ANO7: variants seen among roughly 807,000 people sequenced by gnomAD.
The protein encoded by ANO7 is anoctamin-7.
Under a neutral mutation model 115.8 loss-of-function variants are expected in ANO7, and 114 were observed. The observed-to-expected ratio is 0.98, with a 90% CI of 0.85 to 1.15. The LOEUF is 1.15. Among genes scored for constraint, ANO7 ranks in the 50% most tolerant of loss-of-function variants. ANO7 has a pLI of 0.00. For synonymous variants in ANO7, 550 were observed against 498.2 expected (o/e 1.10, Z -1.38); for missense variants, 1,302 against 1,201.2 (o/e 1.08, Z -1.24).
the ANO7 span, chr2:241,238,781 G>A: frequency 6.7e-7 from 1 of 1,502,180 alleles, no homozygotes; most frequent in Non-Finnish European, 9.0e-7. This position sits in a 1 kb window ranked among gnomAD's most constrained non-coding sequence, Gnocchi z 4.9. Flanking sequence ...AATGTCACCT[G>A]AGCTTCCTGG....
the ANO7 span, among the ~76,000 whole-genome samples, chr2:241,238,136 G>A: frequency 5.9e-5 from 9 of 152,218 alleles, no homozygotes; most frequent in Non-Finnish European, 1.0e-4. The surrounding 1 kb of genome is among the most constrained non-coding windows in gnomAD (Gnocchi z 4.9). Flanking sequence ...CCCACAGGTC[G>A]CCTCCCCACC....
At position 241,210,548 on chromosome 2, in the gene ANO7, G is replaced by A; in HGVS notation, c.1539G>A (p.Leu513=). The A allele has an allele frequency of 6.2e-7, 1 of 1,613,836 alleles. No homozygotes were observed. The highest frequency in any genetic ancestry group is 1.1e-5 in the South Asian group (1 of 91,076). The part of the protein sequence containing the change: ...ILILSKIYVS[L]AHVLTRWEMH... ...TCCTCTCCAAGATCTATGTATCCCT[G>A]GCCCACGTCCTGACACGATGGGGTG... is the stretch of plus-strand genomic sequence containing the variant. Residue 513 remains leucine (L), a synonymous_variant, in exon 15 of 25, where the codon CTG becomes CTA. Coordinates refer to ENST00000674324, the MANE Select transcript of ANO7 (RefSeq NM_001370694.2).
rs765568873 is a variant in ANO7 at position 241,218,292 on chromosome 2, G to A, written c.2232G>A (p.Trp744Ter). The A allele has an allele frequency of 2.9e-5, 44 of 1,535,948 alleles. No homozygotes were observed. Among genetic ancestry groups the A allele is most frequent in the Non-Finnish European group, 3.5e-5 (40 of 1,149,082 alleles). ...TCCTGCCGCGCGCCTACTACCGGTG[G>A]ACCCGCGCCCACGACCTGCGCGGCT... ...SDFLPRAYYR[W>*]TRAHDLRGFL... is the part of the protein sequence containing the mutation. The change falls in exon 21 of 25, where the codon TGG (tryptophan) becomes TGA (stop). Residue 744 changes from tryptophan (W) to a stop codon, truncating the protein, a stop_gained. Transcript: ENST00000674324. LOFTEE classifies it high-confidence loss of function.
downstream of ANO7, chr2:241,229,783 T>TGGGC: frequency 2.6e-6 from 4 of 1,524,628 alleles, no homozygotes; most frequent in Non-Finnish European, 3.6e-6. Flanking sequence ...CAAGCCCGCC[T>TGGGC]GCCCGCCCAC....
At chr2:241,195,654 G>A in intron 3 of ANO7, 49 bp from the exon 4 acceptor site, 1 of 1,583,970 alleles carries the variant, frequency 6.3e-7, no homozygotes, top group Non-Finnish European at 8.6e-7. Context: ...CCCTGGGCCG[G>A]CCACTGCCAC....
downstream of ANO7, among the ~76,000 whole-genome samples, chr2:241,226,109 C>A (rs916942509): frequency 8.5e-5 from 13 of 152,058 alleles, no homozygotes; most frequent in African/African-American, 3.1e-4. Flanking sequence ...TCCCCGATGC[C>A]CACGTGCGCC....
At chr2:241,200,438 C>T (rs76538371) in intron 6 of ANO7, among the ~76,000 whole-genome samples, 2 of 152,048 alleles carry the variant, frequency 1.3e-5, no homozygotes, top group South Asian at 2.1e-4. Context: ...GGACAGATAA[C>T]CCCCCCAAGG....
Position 241,225,703 on chromosome 2 carries a change from C to T in ANO7, c.*1550C>T, listed in dbSNP as rs540153709. Among the ~76,000 whole-genome samples the T allele has an allele frequency of 6.6e-6, 1 of 152,176 alleles. No individual in the cohort carries two copies. The highest frequency in any genetic ancestry group is 1.5e-5 in the Non-Finnish European group (1 of 68,040). ...TGTAGCATTTCTTGAGGATTTGCTA[C>T]TTGTTCACCTGCCTCTTAGGAGCAC... On this transcript the variant is annotated 3_prime_UTR_variant, in exon 25 of 25. Transcript: ENST00000674324.
chr2:241,207,920 A>G (rs1230001270), intron 11 of ANO7, among the ~76,000 whole-genome samples: 5 of 152,136 alleles, frequency 3.3e-5, no homozygotes, highest in Non-Finnish European at 7.4e-5. Context: ...ACCCCACACC[A>G]GGACTCTAGC....
rs1025245863 is a variant in ANO7 at position 241,225,262 on chromosome 2, A to T, written c.*1109A>T. The T allele has an allele frequency of 6.6e-6, 1 of 152,224 alleles. No individual in the cohort carries two copies. The highest frequency in any genetic ancestry group is 2.4e-5 in the African/African-American group (1 of 41,430). 9.4% of individuals were successfully genotyped at this position (152,224 alleles called of 1,614,324 possible). A position where few individuals can be genotyped will look rare whatever the true frequency, so the allele number is the denominator to read the frequency against. On this transcript the variant is annotated 3_prime_UTR_variant, in exon 25 of 25. Coordinates refer to ENST00000674324, the MANE Select transcript of ANO7 (RefSeq NM_001370694.2). ...GGTTTTTAGCTGAGCGTGGTGGCTC[A>T]CACCTGTAATCCCAGGACTTTGGGA...
At position 241,202,245 on chromosome 2, in the gene ANO7, CT is replaced by C; in HGVS notation, c.666del (p.Ile224SerfsTer197). The C allele has an allele frequency of 6.2e-7, 1 of 1,613,774 alleles. No individual in the cohort carries two copies. The highest frequency in any genetic ancestry group is 8.5e-7 in the Non-Finnish European group (1 of 1,179,964). ...GTATGGCCACGAGAAGAAAAACCTG[CT>C]TGGGATCCACCAGCTGCTGGCAGAG... ...TPYGHEKKNL[L>X]GIHQLLAEGV... On this transcript the variant is annotated frameshift_variant, in exon 8 of 25. Transcript: ENST00000674324. LOFTEE classifies it high-confidence loss of function.
At position 241,214,762 on chromosome 2, in the gene ANO7, G is replaced by A. The variant is rs1361499966; in HGVS notation, c.1729-43G>A. 4 of 1,573,378 alleles carry A rather than the reference G, an allele frequency of 2.5e-6. No individual in the cohort carries two copies. The South Asian group carries it at 4.5e-5, about 18-fold the overall frequency. Reference sequence around the variant, plus strand: ...ACAAGAAGGGATGCGTGGGTGAGTGGCTGGTCCCCCTCTCCCAGCTAACCT... The same window carrying A: ...ACAAGAAGGGATGCGTGGGTGAGTGACTGGTCCCCCTCTCCCAGCTAACCT... On this transcript the variant is annotated intron_variant, in intron 17 of 24. Transcript: ENST00000674324.
chr2:241,194,338 G>A (rs1297602137), intron 3 of ANO7, among the ~76,000 whole-genome samples: 5 of 138,610 alleles, frequency 3.6e-5, no homozygotes, highest in Admixed American at 3.1e-4. Flanking sequence ...ATGGAGTCTC[G>A]CTCTGTTGCC....
In ANO7 at chr2:241,188,896, C is replaced by G; in HGVS notation, c.-8+130C>G. The G allele has an allele frequency of 8.1e-7, 1 of 1,235,954 alleles. No homozygotes were observed. The highest frequency in any genetic ancestry group is 1.1e-6 in the Non-Finnish European group (1 of 910,042). The allele number at this position is 1,235,954 out of a possible 1,614,324, so 76.6% of individuals were successfully genotyped here. On this transcript the variant is annotated intron_variant, in intron 1 of 24. Coordinates refer to ENST00000674324, the MANE Select transcript of ANO7 (RefSeq NM_001370694.2). The surrounding 1 kb of genome is among the most constrained non-coding windows in gnomAD (Gnocchi z 4.3). The stretch of plus-strand genomic sequence containing the variant: ...GCCTGTGGGGAGGCAGTGCCAGGGC[C>G]CGCCCTGGTCCCCAAAGCCCCTTGG...
intron 13 of ANO7, among the ~76,000 whole-genome samples, chr2:241,209,975 T>G (rs192463577): frequency 2.0e-5 from 3 of 152,136 alleles, no homozygotes; most frequent in Non-Finnish European, 2.9e-5. Flanking sequence ...GGCTTCCTAA[T>G]AGGACCTCTC....
intron 10 of ANO7, among the ~76,000 whole-genome samples, chr2:241,206,558 G>GCTGACAGGTGGACAGGAGTGCTCCCAGT (rs1235428549): frequency 5.8e-4 from 12 of 20,820 alleles, no homozygotes; most frequent in Non-Finnish European, 7.0e-4. Flanking sequence ...GTGCTCCCAG[G>GCTGACAGGTGGACAGGAGTGCTCCCAGT]CTGACAGGTG....
the ANO7 span, among the ~76,000 whole-genome samples, chr2:241,235,899 A>G: frequency 1.1e-4 from 17 of 152,168 alleles, no homozygotes; most frequent in Non-Finnish European, 1.5e-5. Context: ...CCTCGGGGTC[A>G]TGACGGCTTT....
rs766491228 is a variant in ANO7 at position 241,209,305 on chromosome 2, C to T, written c.1098C>T (p.His366=). The T allele has an allele frequency of 2.6e-5, 40 of 1,560,082 alleles. No individual in the cohort carries two copies. The highest frequency in any genetic ancestry group is 1.9e-4 in the African/African-American group (14 of 73,524). ...CACAGGCCGGCCGGCTGTTCGACCA[C>T]GGCGGCACCGTGTTCTTCAGCTTGT... ...ALAQAGRLFD[H]GGTVFFSLFM... is the part of the protein sequence containing the mutation. The change falls in exon 12 of 25, where the codon CAC becomes CAT. Residue 366 remains histidine, a synonymous_variant. Coordinates refer to ENST00000674324, the MANE Select transcript of ANO7 (RefSeq NM_001370694.2).
chr2:241,223,538 C>A (rs2069077665), intron 22 of ANO7, 124 bp from the exon 23 acceptor site: 5 of 1,466,310 alleles, frequency 3.4e-6, no homozygotes, highest in Non-Finnish European at 4.6e-6. Context: ...GGTTCCTTTT[C>A]CTGCACAGCT....
Sources: allele counts gnomAD v4.1 joint callset (sites outside exome capture counted in the v4.1 genomes callset), GRCh38; gene constraint gnomAD v4.1.1; non-coding constraint Gnocchi (gnomAD v3.1); transcripts MANE v1.5; gene names NCBI Gene and HGNC (gene_info 2026-07-23, HGNC 2026-07-21).